ZNF704: variants seen among roughly 807,000 people sequenced by gnomAD.
ZNF704 encodes glucocorticoid induced gene 1.
In ZNF704, 10 loss-of-function variants were observed where a neutral mutation model predicts 44.7. The ratio of observed to expected loss-of-function variants is 0.22; its 90% confidence interval spans 0.14 to 0.38. The LOEUF (loss-of-function observed/expected upper bound fraction) is 0.38. Among genes scored for constraint, ZNF704 ranks in the 10% least tolerant of loss-of-function variants. The pLI is 1.00. For synonymous variants in ZNF704, 211 were observed against 207.6 expected, an observed-to-expected ratio of 1.02 and a Z score of -0.14; for missense variants, 390 against 545.5, an observed-to-expected ratio of 0.71 and a Z score of 2.84.
chr8:80,748,399 T>C (rs1042613368), intron 2 of ZNF704, among the ~76,000 whole-genome samples: 2 of 152,124 alleles, frequency 1.3e-5, no homozygotes, highest in African/African-American at 4.8e-5. Context: ...TGACCAACAG[T>C]AGGAGGCAGC....
chr8:80,694,323 A>C (rs148134868), intron 2 of ZNF704: 1 of 152,192 alleles, frequency 6.6e-6, no homozygotes, highest in Non-Finnish European at 1.5e-5. Context: ...ATAAAGGTTC[A>C]TAAGATTATG....
chr8:80,854,904 G>A lies in ZNF704; in HGVS notation c.-22+19667C>T, dbSNP rs1163929432. 7.2e-5 allele frequency among the ~76,000 whole-genome samples: 11 copies of A among 152,126 alleles called. No homozygotes were observed. In the East Asian group the frequency reaches 2.1e-3, roughly 29 times the overall value. Reference sequence around the variant, plus strand: ...AAATTTCTGTGGGTACACAGTAGGTGTATATATTTATGGGGTACATGAGAT... The same window carrying A: ...AAATTTCTGTGGGTACACAGTAGGTATATATATTTATGGGGTACATGAGAT... On this transcript the variant is annotated intron_variant, in intron 1 of 8. Transcript: ENST00000327835.
chr8:80,688,783 A>AC (rs2131633193), intron 3 of ZNF704, among the ~76,000 whole-genome samples: 1 of 152,226 alleles, frequency 6.6e-6, no homozygotes, highest in South Asian at 2.1e-4. Context: ...ATATGGCGAA[A>AC]CCCCGTCTCT....
chr8:80,672,312 G>T (rs1444428719), intron 4 of ZNF704, among the ~76,000 whole-genome samples: 1 of 152,172 alleles, frequency 6.6e-6, no homozygotes, highest in Non-Finnish European at 1.5e-5. Flanking sequence ...CATATACACT[G>T]GTGACGGGAG....
intron 2 of ZNF704, among the ~76,000 whole-genome samples, chr8:80,712,795 G>A (rs1819007065): frequency 6.6e-6 from 1 of 152,108 alleles, no homozygotes; most frequent in Admixed American, 6.5e-5. Context: ...GAAACTCTGT[G>A]TCAAAAAACA....
At chr8:80,773,958 T>C (rs1040021353) in intron 2 of ZNF704, among the ~76,000 whole-genome samples, 2 of 152,210 alleles carry the variant, frequency 1.3e-5, no homozygotes, top group African/African-American at 4.8e-5. Context: ...TCTAAGATCT[T>C]CTTGGCTTTT....
intron 4 of ZNF704, among the ~76,000 whole-genome samples, chr8:80,676,194 G>A (rs992265265): frequency 8.5e-5 from 13 of 152,186 alleles, no homozygotes; most frequent in African/African-American, 2.9e-4. Context: ...TGGAGAGTAA[G>A]TGGGATTTAG....
At chr8:80,840,004 A>G (rs1319069980) in intron 1 of ZNF704, among the ~76,000 whole-genome samples, 1 of 152,226 alleles carries the variant, frequency 6.6e-6, no homozygotes, top group Non-Finnish European at 1.5e-5. Flanking sequence ...AGAGGCAGAG[A>G]GCAAGTTTTG....
intron 2 of ZNF704, among the ~76,000 whole-genome samples, chr8:80,709,721 T>C (rs899013799): frequency 1.3e-5 from 2 of 152,020 alleles, no homozygotes; most frequent in Non-Finnish European, 2.9e-5. Flanking sequence ...TGAGAAAAGG[T>C]TGCCCATTAG....
intron 1 of ZNF704, among the ~76,000 whole-genome samples, chr8:80,853,500 T>C (rs1808905386): frequency 6.6e-6 from 1 of 151,990 alleles, no homozygotes; most frequent in Non-Finnish European, 1.5e-5. Context: ...AAACCCAAGA[T>C]TATTTTAGCA....
At chr8:80,712,052 A>T (rs1389791926) in intron 2 of ZNF704, among the ~76,000 whole-genome samples, 18 of 152,222 alleles carry the variant, frequency 1.2e-4, no homozygotes, top group Admixed American at 1.2e-3. Flanking sequence ...CTTAATCCCC[A>T]ATGCAACAAT....
chr8:80,696,352 T>C (rs1240049801), intron 2 of ZNF704, among the ~76,000 whole-genome samples: 2 of 152,262 alleles, frequency 1.3e-5, no homozygotes, highest in Non-Finnish European at 2.9e-5. Context: ...TTGGAATTAT[T>C]TAAAAATACA....
chr8:80,777,641 G>A (rs903889025), intron 2 of ZNF704, among the ~76,000 whole-genome samples: 1 of 152,082 alleles, frequency 6.6e-6, no homozygotes, highest in African/African-American at 2.4e-5. Context: ...TACTTTGGGA[G>A]GCCGAGGTAG....
At chr8:80,822,265 T>TCC (rs1335712643) in intron 1 of ZNF704, among the ~76,000 whole-genome samples, 5 of 138,068 alleles carry the variant, frequency 3.6e-5, no homozygotes, top group African/African-American at 6.1e-5. Context: ...TGCTATCCCT[T>TCC]CCCCCCCGCC....
chr8:80,692,588 A>G (rs1818657279), intron 3 of ZNF704, among the ~76,000 whole-genome samples: 1 of 152,228 alleles, frequency 6.6e-6, no homozygotes, highest in African/African-American at 2.4e-5. Flanking sequence ...TTGATTAAGG[A>G]GTCTGAGAAA....
At chr8:80,668,654 CAAG>C (rs1423634508) in intron 5 of ZNF704, among the ~76,000 whole-genome samples, 17 of 152,170 alleles carry the variant, frequency 1.1e-4, no homozygotes, top group Admixed American at 6.5e-4. Context: ...CCCTGGTGTA[CAAG>C]AATGGAGTGA....
At chr8:80,851,559 C>T (rs1409802676) in intron 1 of ZNF704, among the ~76,000 whole-genome samples, 3 of 123,414 alleles carry the variant, frequency 2.4e-5, no homozygotes, top group East Asian at 2.3e-4. Flanking sequence ...GAACATCACA[C>T]GCTGGGGACT....
intron 2 of ZNF704, among the ~76,000 whole-genome samples, chr8:80,723,519 CA>C (rs1806413209): frequency 6.6e-6 from 1 of 151,932 alleles, no homozygotes; most frequent in African/African-American, 2.4e-5. Context: ...TGAGTTAAAA[CA>C]AAAAGAAACA....
intron 2 of ZNF704, among the ~76,000 whole-genome samples, chr8:80,812,968 T>C (rs17474422): frequency 0.06 from 9,083 of 152,172 alleles, 302 homozygotes; most frequent in Non-Finnish European, 0.076. Flanking sequence ...ACATTTTGAG[T>C]GGATATAGGG....
Sources: allele counts gnomAD v4.1 joint callset (sites outside exome capture counted in the v4.1 genomes callset), GRCh38; gene constraint gnomAD v4.1.1; transcripts MANE v1.5; gene names NCBI Gene and HGNC (gene_info 2026-07-23, HGNC 2026-07-21).